Variants in HSP90AB1 observed in about 807,000 individuals in gnomAD.
HSP90AB1 encodes the protein heat shock protein 90 alpha family class B member 1.
Under a neutral mutation model 67.8 loss-of-function variants are expected in HSP90AB1, and 17 were observed. That is an observed-to-expected ratio of 0.25 (90% confidence interval 0.17 to 0.38). The LOEUF (loss-of-function observed/expected upper bound fraction) is 0.38, where lower values mean the gene tolerates loss of function less well. Ranked by LOEUF, HSP90AB1 falls within the 10% of genes least tolerant of loss-of-function variation. HSP90AB1 has a pLI of 1.00. For missense variants in HSP90AB1, 690 were observed against 899.9 expected (o/e 0.77, Z 2.98); for synonymous variants, 390 against 312.9 (o/e 1.25, Z -2.60).
chr6:44,250,443 G>C lies in HSP90AB1; in HGVS notation c.801G>C (p.Lys267Asn). Reference sequence around the variant, plus strand: ...ATGACAGCGGTAAGGATAAGAAGAAGAAAACTAAGAAGATCAAAGAGAAAT... The same window carrying C: ...ATGACAGCGGTAAGGATAAGAAGAACAAAACTAAGAAGATCAAAGAGAAAT... ...EEDDSGKDKK[K>N]KTKKIKEKYI... The change falls in exon 6 of 12, where the codon AAG (lysine) becomes AAC (asparagine). Residue 267 changes from lysine (K) to asparagine (N), a missense_variant. Physicochemically the swap from Lys to Asn is moderately conservative, Grantham distance 94. This residue lies in a region of HSP90AB1 where 146 missense variants were observed against 143.7 expected (regional missense o/e 1.02). Transcript: ENST00000371646. 1.2e-6 allele frequency: 2 copies of C among 1,613,958 alleles called. No individual in the cohort carries two copies. The highest frequency in any genetic ancestry group is 1.7e-6 in the Non-Finnish European group (2 of 1,179,886).
In HSP90AB1 at chr6:44,249,657, CTT is replaced by C; in HGVS notation, c.355-16_355-15del. 1 of 1,612,190 alleles carries C rather than the reference CTT, an allele frequency of 6.2e-7. No homozygotes were observed. The highest frequency in any genetic ancestry group is 8.5e-7 in the Non-Finnish European group (1 of 1,178,680). Reference sequence around the variant, plus strand: ...TTGCTTCTTTAAAACTTGTGATTGACTTTAAACTTGTTGGCAGGCTGGTGCAG... The same window carrying C: ...TTGCTTCTTTAAAACTTGTGATTGACTAAACTTGTTGGCAGGCTGGTGCAG... On this transcript the variant is annotated splice_polypyrimidine_tract_variant and intron_variant, in intron 3 of 11. Transcript: ENST00000371646.
intron 2 of HSP90AB1, 142 bp from the exon 3 acceptor site, chr6:44,249,226 TACTTGGGAA>T: frequency 1.5e-6 from 1 of 646,054 alleles, no homozygotes; most frequent in Admixed American, 2.6e-5. Flanking sequence ...TAGTCCCAGC[TACTTGGGAA>T]GCTGGGGTTG....
At chr6:44,251,934 A>C in intron 9 of HSP90AB1, 50 bp downstream of exon 9, 1 of 1,613,222 alleles carries the variant, frequency 6.2e-7, no homozygotes, top group Non-Finnish European at 8.5e-7. Flanking sequence ...GAGCACAATT[A>C]GGGCTTCCTG....
At position 44,248,664 on chromosome 6, in the gene HSP90AB1, T is replaced by A. The variant is rs774126124; in HGVS notation, c.35T>A (p.Val12Glu). The change falls in exon 2 of 12, where the codon GTG becomes GAG. Residue 12 changes from valine (V) to glutamate (E), a missense_variant. Val to Glu is a moderately radical substitution (Grantham distance 121, BLOSUM62 -2). Transcript: ENST00000371646. ...PEEVHHGEEE[V>E]ETFAFQAEIA... is the part of the protein sequence containing the mutation. ...GAAGTGCACCATGGAGAGGAGGAGG[T>A]GGAGACTTTTGCCTTTCAGGCAGAA... 3 of 1,613,676 alleles carry A rather than the reference T, an allele frequency of 1.9e-6. No homozygotes were observed. The highest frequency in any genetic ancestry group is 2.2e-5 in the East Asian group (1 of 44,906).
rs559860902 is a variant in HSP90AB1 at position 44,252,640 on chromosome 6, C to T, written c.1731+373C>T. Among the ~76,000 whole-genome samples the T allele has an allele frequency of 1.1e-3, 175 of 152,234 alleles. 2 individuals carry two copies. The highest frequency in any genetic ancestry group is 3.7e-3 in the African/African-American group (155 of 41,530). On this transcript the variant is annotated intron_variant, in intron 10 of 11. Transcript: ENST00000371646. ...CCTCCTGAGTAGCTGCCACTACAGG[C>T]GCCCGCCACCACACCCCGGCTAATT...
At chr6:44,248,470 G>A (rs1041215522) in intron 1 of HSP90AB1, 160 bp from the exon 2 acceptor site, 8 of 555,340 alleles carry the variant, frequency 1.4e-5, no homozygotes, top group Non-Finnish European at 2.5e-5. Flanking sequence ...TGTAGTCTGA[G>A]ATCTTTAAGA....
At chr6:44,252,374 T>C in intron 10 of HSP90AB1, 107 bp downstream of exon 10, 1 of 1,007,314 alleles carries the variant, frequency 9.9e-7, no homozygotes. Flanking sequence ...ATTTACTGTT[T>C]CATGCCTTCT....
At chr6:44,246,790 T>G (rs1195987093), upstream of HSP90AB1, among the ~76,000 whole-genome samples, 2 of 152,168 alleles carry the variant, frequency 1.3e-5, no homozygotes, top group African/African-American at 4.8e-5. Flanking sequence ...CACAAGTGTT[T>G]AGGGAGGTCA....
intron 6 of HSP90AB1, 109 bp from the exon 7 acceptor site, chr6:44,250,939 C>A: frequency 1.1e-6 from 1 of 944,532 alleles, no homozygotes; most frequent in Non-Finnish European, 1.7e-6. Flanking sequence ...GTTGTGTGTG[C>A]TCTATCCCTT....
At chr6:44,249,873 A>G in intron 4 of HSP90AB1, 39 bp downstream of exon 4, 1 of 1,596,404 alleles carries the variant, frequency 6.3e-7, no homozygotes, top group Non-Finnish European at 8.5e-7. Context: ...TTGGGTTAGG[A>G]TTTTCTGGGC....
At chr6:44,249,128 C>A (rs1386523482) in intron 2 of HSP90AB1, among the ~76,000 whole-genome samples, 1 of 138,914 alleles carries the variant, frequency 7.2e-6, no homozygotes, top group African/African-American at 2.7e-5. Flanking sequence ...ATCACTTGAG[C>A]CTAGGATTTC....
chr6:44,251,031 T>C lies in HSP90AB1; in HGVS notation c.958-17T>C, dbSNP rs752737801. 1.5e-5 allele frequency: 24 copies of C among 1,611,808 alleles called. No homozygotes were observed. Among genetic ancestry groups the C allele is most frequent in the Admixed American group, 3.3e-5 (2 of 59,934 alleles). On this transcript the variant is annotated splice_polypyrimidine_tract_variant and intron_variant, in intron 6 of 11. Transcript: ENST00000371646. The stretch of plus-strand genomic sequence containing the variant: ...GTCCTCTTTTGAAATGTACCACTTA[T>C]TTTTGGTTTCTTTCAGCACTTTTCT...
intron 2 of HSP90AB1, 62 bp from the exon 3 acceptor site, chr6:44,249,315 G>C (rs1014074341): frequency 1.5e-6 from 2 of 1,362,546 alleles, no homozygotes; most frequent in Non-Finnish European, 2.1e-6. Context: ...ACTGTAGCTT[G>C]GGCAACAGAG....
chr6:44,251,741 G>C lies in HSP90AB1; in HGVS notation c.1319G>C (p.Gly440Ala). Residue 440 changes from glycine to alanine, a missense_variant, in exon 9 of 12, where the codon GGA (glycine) becomes GCA (alanine). By Grantham distance (60) the Gly-to-Ala change is moderately conservative. This residue lies in a region of HSP90AB1 where 206 missense variants were observed against 221.4 expected (regional missense o/e 0.93). Transcript: ENST00000371646. ...YEAFSKNLKL[G>A]IHEDSTNRRR... ...TTCCTCTTCCCACCCTTCAAGCTTGGAATCCACGAAGACTCCACTAACCGC... is the reference window on the plus strand; with the variant it reads ...TTCCTCTTCCCACCCTTCAAGCTTGCAATCCACGAAGACTCCACTAACCGC... 6.2e-7 allele frequency: 1 copy of C among 1,613,012 alleles called. No homozygotes were observed. The highest frequency in any genetic ancestry group is 8.5e-7 in the Non-Finnish European group (1 of 1,179,540).
At chr6:44,246,575 C>T (rs987797397), upstream of HSP90AB1, among the ~76,000 whole-genome samples, 1 of 152,244 alleles carries the variant, frequency 6.6e-6, no homozygotes, top group African/African-American at 2.4e-5. Flanking sequence ...AACCCTCCGC[C>T]CTTCCTCTAC....
chr6:44,246,680 A>C (rs3757283), upstream of HSP90AB1, among the ~76,000 whole-genome samples: 24,275 of 152,108 alleles, frequency 0.16, 2,476 homozygotes, highest in East Asian at 0.36. Flanking sequence ...GATGCTAGGA[A>C]GAAGATTGGG....
Position 44,253,357 on chromosome 6 carries a change from C to A in HSP90AB1, c.2044C>A (p.Arg682Ser), listed in dbSNP as rs1446797837. The change falls in exon 11 of 12, where the codon CGC becomes AGC. Residue 682 changes from arginine (R) to serine (S), a missense_variant. By Grantham distance (110) the Arg-to-Ser change is moderately radical (BLOSUM62 -1). Around this residue, in one of 7 missense-constraint regions of HSP90AB1, gnomAD observed 120 missense variants for 153.5 expected, o/e 0.78. Coordinates refer to ENST00000371646, the MANE Select transcript of HSP90AB1 (RefSeq NM_007355.4). ...CCAGACCCACTCCAACCGCATCTATCGCATGATCAAGCTAGGTCTAGGTAA... is the reference window on the plus strand; with the variant it reads ...CCAGACCCACTCCAACCGCATCTATAGCATGATCAAGCTAGGTCTAGGTAA... ...DPQTHSNRIY[R>S]MIKLGLGIDE... 5 of 1,614,032 alleles carry A rather than the reference C, an allele frequency of 3.1e-6. No individual in the cohort carries two copies.
Position 44,253,068 on chromosome 6 carries a change from G to A in HSP90AB1, c.1755G>A (p.Val585=). The change falls in exon 11 of 12, where the codon GTG becomes GTA. Residue 585 remains valine (V), a synonymous_variant. Coordinates refer to ENST00000371646, the MANE Select transcript of HSP90AB1 (RefSeq NM_007355.4). ...AGGTGACAATCTCCAATAGACTTGT[G>A]TCTTCACCTTGCTGCATTGTGACCA... is the stretch of plus-strand genomic sequence containing the variant. ...VEKVTISNRL[V]SSPCCIVTST... 6.2e-7 allele frequency: 1 copy of A among 1,613,980 alleles called. No individual in the cohort carries two copies. Among genetic ancestry groups the A allele is most frequent in the Non-Finnish European group, 8.5e-7 (1 of 1,179,868 alleles).
chr6:44,247,150 C>G lies in HSP90AB1; in HGVS notation c.-46C>G, dbSNP rs893453988. 4 of 152,268 alleles carry G rather than the reference C, an allele frequency of 2.6e-5. No homozygotes were observed. Among genetic ancestry groups the G allele is most frequent in the African/African-American group, 9.6e-5 (4 of 41,460 alleles). 9.4% of individuals were successfully genotyped at this position (152,268 alleles called of 1,614,324 possible). ...TTGGGACTGTCTGGGTATCGGAAAG[C>G]AAGCCTACGTTGCTCACTATTACGT... On this transcript the variant is annotated 5_prime_UTR_variant, in exon 1 of 12. Coordinates refer to ENST00000371646, the MANE Select transcript of HSP90AB1 (RefSeq NM_007355.4).
Sources: allele counts gnomAD v4.1 joint callset (sites outside exome capture counted in the v4.1 genomes callset), GRCh38; gene constraint gnomAD v4.1.1; regional missense constraint gnomAD v4.1.1; transcripts MANE v1.5; gene names NCBI Gene and HGNC (gene_info 2026-07-23, HGNC 2026-07-21).